IFT57: variants seen among roughly 807,000 people sequenced by gnomAD.
The protein encoded by IFT57 is intraflagellar transport protein 57 homolog.
A neutral mutation model predicts 56.8 loss-of-function variants in IFT57; 59 were observed. The observed-to-expected ratio is 1.04, with a 90% CI of 0.84 to 1.29. IFT57 has a LOEUF of 1.29. Ranked by LOEUF, IFT57 falls within the 50% of genes most tolerant of loss-of-function variation. The pLI is 0.00. For synonymous variants in IFT57, 209 were observed against 186.1 expected (o/e 1.12, Z -1.00); for missense variants, 470 against 522.1 (o/e 0.90, Z 0.97).
At chr3:108,175,662 A>G (rs1372446342) in intron 6 of IFT57, among the ~76,000 whole-genome samples, 1 of 151,792 alleles carries the variant, frequency 6.6e-6, no homozygotes, top group Non-Finnish European at 1.5e-5. Flanking sequence ...TAGATCTCCA[A>G]CTCAATGCTT....
chr3:108,166,866 G>A lies in IFT57; in HGVS notation c.969C>T (p.Ala323=). The A allele has an allele frequency of 1.2e-6, 2 of 1,609,694 alleles. No homozygotes were observed. Among genetic ancestry groups the A allele is most frequent in the East Asian group, 2.2e-5 (1 of 44,758 alleles). ...ATTCTTAAATTACCTCACTCAGCTG[G>A]GCTTGAGCTGCACGATATTCTTGAA... ...NLVQEYRAAQ[A]QLSEAKERYQ... is the part of the protein sequence containing the mutation. Residue 323 remains alanine (A), a synonymous_variant, in exon 8 of 11, where the codon GCC becomes GCT. Transcript: ENST00000264538.
At chr3:108,218,452 T>C (rs2080385509) in intron 3 of IFT57, 83 bp downstream of exon 3, 2 of 549,850 alleles carry the variant, frequency 3.6e-6, no homozygotes, top group South Asian at 3.8e-5. Flanking sequence ...ATAATTCTTT[T>C]ATGTTCAATT....
intron 6 of IFT57, among the ~76,000 whole-genome samples, chr3:108,189,258 G>A (rs1302026176): frequency 6.6e-6 from 1 of 152,156 alleles, no homozygotes; most frequent in Non-Finnish European, 1.5e-5. Flanking sequence ...TACAGGATTT[G>A]TCCACTTACA....
At chr3:108,208,433 C>A (rs921280036) in intron 4 of IFT57, among the ~76,000 whole-genome samples, 1 of 152,146 alleles carries the variant, frequency 6.6e-6, no homozygotes, top group African/African-American at 2.4e-5. Flanking sequence ...CATAAGCAAT[C>A]AATAGATACT....
At chr3:108,206,021 ATATTG>A in intron 5 of IFT57, among the ~76,000 whole-genome samples, 1 of 110,072 alleles carries the variant, frequency 9.1e-6, no homozygotes, top group Non-Finnish European at 1.8e-5. Context: ...TATATATAAT[ATATTG>A]TATATTATTT....
At chr3:108,175,257 T>A (rs9844904) in intron 6 of IFT57, among the ~76,000 whole-genome samples, 14,636 of 151,830 alleles carry the variant, frequency 0.096, 767 homozygotes, top group Middle Eastern at 0.12. Context: ...ATTTTGCATA[T>A]TTTCTCTCTC....
At chr3:108,220,694 TG>T (rs988815038) in intron 1 of IFT57, among the ~76,000 whole-genome samples, 2 of 117,204 alleles carry the variant, frequency 1.7e-5, no homozygotes, top group Non-Finnish European at 3.8e-5. Context: ...CAGAATCATC[TG>T]GAAGGCTTAC....
chr3:108,166,824 A>T (rs760544453), intron 8 of IFT57, 30 bp downstream of exon 8: 8 of 1,598,962 alleles, frequency 5.0e-6, no homozygotes, highest in Non-Finnish European at 6.8e-6. Context: ...GTTAACTTGA[A>T]TAAATCCTTG....
intron 10 of IFT57, among the ~76,000 whole-genome samples, chr3:108,162,962 T>C (rs1034303605): frequency 9.9e-5 from 15 of 151,822 alleles, no homozygotes; most frequent in African/African-American, 3.6e-4. Flanking sequence ...TATTTGTCTG[T>C]AGGAAAAGGA....
rs1315782761 is a variant in IFT57, at chr3:108,162,350, A to G, written c.*127T>C. Reference sequence around the variant, plus strand: ...TAACCATCATAATCACCATGATATAATATGTGAGTATGTATATGTAAAAAA... The same window carrying G: ...TAACCATCATAATCACCATGATATAGTATGTGAGTATGTATATGTAAAAAA... On this transcript the variant is annotated 3_prime_UTR_variant, in exon 11 of 11. Transcript: ENST00000264538. 3.3e-6 allele frequency: 2 copies of G among 614,634 alleles called. No homozygotes were observed. Among genetic ancestry groups the G allele is most frequent in the Non-Finnish European group, 5.6e-6 (2 of 360,222 alleles). The allele number at this position is 614,634 out of a possible 1,614,324, so 38.1% of individuals were successfully genotyped here. A position where few individuals can be genotyped will look rare whatever the true frequency, so the allele number is the denominator to read the frequency against.
At chr3:108,185,551 ATTTTTTTTTTT>A (rs1179200943) in intron 6 of IFT57, among the ~76,000 whole-genome samples, 12 of 87,292 alleles carry the variant, frequency 1.4e-4, no homozygotes, top group Admixed American at 1.3e-3. Flanking sequence ...GAGCACTAGG[ATTTTTTTTTTT>A]TTTTTTTTTT....
chr3:108,178,297 G>A (rs1172379928), intron 6 of IFT57, among the ~76,000 whole-genome samples: 1 of 151,782 alleles, frequency 6.6e-6, no homozygotes, highest in Non-Finnish European at 1.5e-5. Flanking sequence ...TAGATGGATT[G>A]CAAATCTTCT....
At chr3:108,173,766 CTGTGTGTGTGTGTGTGTGTGTGTG>C in intron 6 of IFT57, among the ~76,000 whole-genome samples, 1 of 124,670 alleles carries the variant, frequency 8.0e-6, no homozygotes, top group East Asian at 2.5e-4. Flanking sequence ...GTCAGGGACT[CTGTGTGTGTGTGTGTGTGTGTGTG>C]TGTGTGTGTG....
chr3:108,188,996 AATT>A (rs2080200069), intron 6 of IFT57, among the ~76,000 whole-genome samples: 1 of 152,202 alleles, frequency 6.6e-6, no homozygotes, highest in African/African-American at 2.4e-5. Context: ...CCAACTATAC[AATT>A]ATTTTAACAC....
In IFT57 at chr3:108,191,662, C is replaced by A. The variant is rs932265377; in HGVS notation, c.655-19G>T. The A allele has an allele frequency of 4.4e-6, 7 of 1,585,912 alleles. No individual in the cohort carries two copies. The highest frequency in any genetic ancestry group is 5.2e-6 in the Non-Finnish European group (6 of 1,164,818). Reference sequence around the variant, plus strand: ...TCATATCCTAAGAAAGGAAAGATATCACAAGATTGAGAGTTTATAAAAAGA... The same window carrying A: ...TCATATCCTAAGAAAGGAAAGATATAACAAGATTGAGAGTTTATAAAAAGA... On this transcript the variant is annotated intron_variant, in intron 5 of 10. Coordinates refer to ENST00000264538, the MANE Select transcript of IFT57 (RefSeq NM_018010.4).
Position 108,162,558 on chromosome 3 carries a change from T to C in IFT57, c.1209A>G (p.Gln403=), listed in dbSNP as rs371511443. 11 of 1,612,746 alleles carry C rather than the reference T, an allele frequency of 6.8e-6. No homozygotes were observed. The African/African-American group carries it at 8.0e-5, about 12-fold the overall frequency. Residue 403 remains glutamine (Q), a synonymous_variant, in exon 11 of 11, where the codon CAA becomes CAG. Transcript: ENST00000264538. ...RIGIVEHTLL[Q]SKLKEKSNMT... is the part of the protein sequence containing the mutation. ...TGTTGGACTTCTCCTTCAGCTTTGA[T>C]TGGAGTAGTGTGTGTTCCACAATGC...
chr3:108,201,083 C>T (rs720021), intron 5 of IFT57, among the ~76,000 whole-genome samples: 14,621 of 152,192 alleles, frequency 0.096, 763 homozygotes, highest in Middle Eastern at 0.12. Context: ...TGTGCCCCAT[C>T]CCCAGATAAG....
chr3:108,172,726 G>A (rs77126715), intron 6 of IFT57, among the ~76,000 whole-genome samples: 2,859 of 151,978 alleles, frequency 0.019, 25 homozygotes, highest in Middle Eastern at 0.048. Context: ...AGGTGGGGTA[G>A]TAGAGACAAT....
rs780692669 is a variant in IFT57, at chr3:108,167,825, T to C, written c.817A>G (p.Ser273Gly). 3.1e-6 allele frequency: 5 copies of C among 1,592,508 alleles called. No homozygotes were observed. In the South Asian group the frequency reaches 5.7e-5, roughly 18 times the overall value. ...TCCTTTAGAGCAGATTCAATTCCACTTCTGTGCTGGTGCATTTGGTCAACA... is the reference window on the plus strand; with the variant it reads ...TCCTTTAGAGCAGATTCAATTCCACCTCTGTGCTGGTGCATTTGGTCAACA... ...IHVDQMHQHR[S>G]GIESALKETK... Residue 273 changes from serine to glycine, a missense_variant, in exon 7 of 11, where the codon AGT (serine) becomes GGT (glycine). Physicochemically the swap from Ser to Gly is moderately conservative, Grantham distance 56. Transcript: ENST00000264538.
Sources: allele counts gnomAD v4.1 joint callset (sites outside exome capture counted in the v4.1 genomes callset), GRCh38; gene constraint gnomAD v4.1.1; transcripts MANE v1.5; gene names NCBI Gene and HGNC (gene_info 2026-07-23, HGNC 2026-07-21).